Variants in RMC1 observed in about 807,000 individuals in gnomAD.
The protein encoded by RMC1 is regulator of MON1-CCZ1.
A neutral mutation model predicts 95.5 loss-of-function variants in RMC1; 44 were observed. That is an observed-to-expected ratio of 0.46 (90% confidence interval 0.36 to 0.59). The LOEUF (loss-of-function observed/expected upper bound fraction) is 0.59, where lower values mean the gene tolerates loss of function less well. Ranked by LOEUF, RMC1 falls within the 20% of genes least tolerant of loss-of-function variation. RMC1 has a pLI of 0.00. For synonymous variants in RMC1, 320 were observed against 303.6 expected (o/e 1.05, Z -0.56); for missense variants, 705 against 819.6 (o/e 0.86, Z 1.71).
intron 9 of RMC1, among the ~76,000 whole-genome samples, chr18:23,519,495 G>A (rs1290673261): frequency 6.6e-6 from 1 of 151,722 alleles, no homozygotes; most frequent in African/African-American, 2.4e-5. Flanking sequence ...TCCAGCCTGG[G>A]TGATGGAGCA....
chr18:23,524,112 T>C lies in RMC1; in HGVS notation c.962-18T>C, dbSNP rs752944530. 37 of 1,613,994 alleles carry C rather than the reference T, an allele frequency of 2.3e-5. 1 individual carries two copies. The highest frequency in any genetic ancestry group is 1.6e-4 in the Middle Eastern group (1 of 6,082). On this transcript the variant is annotated intron_variant, in intron 10 of 19. Transcript: ENST00000269221. Reference sequence around the variant, plus strand: ...TTTTCTGACTGCATCGTTGCACTTATGTTTTCTCAATTTGTAGGTCCTGCT... The same window carrying C: ...TTTTCTGACTGCATCGTTGCACTTACGTTTTCTCAATTTGTAGGTCCTGCT...
At position 23,530,290 on chromosome 18, in the gene RMC1, T is replaced by C. The variant is rs748366615; in HGVS notation, c.1661T>C (p.Met554Thr). 1.2e-6 allele frequency: 2 copies of C among 1,614,224 alleles called. No homozygotes were observed. The highest frequency in any genetic ancestry group is 8.5e-7 in the Non-Finnish European group (1 of 1,180,036). Residue 554 changes from methionine (M) to threonine (T), a missense_variant, in exon 18 of 20, where the codon ATG becomes ACG. Met to Thr is a moderately conservative substitution (Grantham distance 81). Coordinates refer to ENST00000269221, the MANE Select transcript of RMC1 (RefSeq NM_013326.5). ...CCTGCTCATCAGCTATCTCTGGACATGCTGAAGGTAACTCTGATGTGTGAG... is the reference window on the plus strand; with the variant it reads ...CCTGCTCATCAGCTATCTCTGGACACGCTGAAGGTAACTCTGATGTGTGAG... ...YPPAHQLSLD[M>T]LKRLSTANDE... is the part of the protein sequence containing the mutation.
At chr18:23,519,474 C>T (rs1158454786) in intron 9 of RMC1, among the ~76,000 whole-genome samples, 4 of 151,430 alleles carry the variant, frequency 2.6e-5, no homozygotes, top group East Asian at 3.9e-4. Flanking sequence ...GTGGAGATCG[C>T]GCCACTGCAC....
chr18:23,506,825 C>A, intron 2 of RMC1, 145 bp from the exon 3 acceptor site: 1 of 593,890 alleles, frequency 1.7e-6, no homozygotes, highest in South Asian at 1.7e-5. Flanking sequence ...AAAAGAGGTC[C>A]TACTGATGGC....
intron 15 of RMC1, 27 bp from the exon 16 acceptor site, chr18:23,529,608 T>G: frequency 6.3e-7 from 1 of 1,598,746 alleles, no homozygotes; most frequent in Admixed American, 1.7e-5. Flanking sequence ...CGTTGGTATT[T>G]GTAAGACCAC....
intron 7 of RMC1, among the ~76,000 whole-genome samples, chr18:23,516,886 C>T (rs1000298366): frequency 2.0e-5 from 3 of 151,880 alleles, no homozygotes; most frequent in Admixed American, 6.6e-5. Flanking sequence ...TCACCTCGCC[C>T]GGCTAGTCTT....
intron 5 of RMC1, among the ~76,000 whole-genome samples, chr18:23,514,284 G>A (rs1270236477): frequency 6.6e-6 from 1 of 152,250 alleles, no homozygotes; most frequent in Non-Finnish European, 1.5e-5. Context: ...GGGAGGCCGA[G>A]GTGGGCGATC....
At chr18:23,527,031 C>G (rs2058317436) in intron 13 of RMC1, among the ~76,000 whole-genome samples, 1 of 152,094 alleles carries the variant, frequency 6.6e-6, no homozygotes, top group African/African-American at 2.4e-5. Flanking sequence ...CACCCCTGGC[C>G]TTCACACACA....
At chr18:23,517,403 C>T (rs1287978540) in intron 7 of RMC1, among the ~76,000 whole-genome samples, 2 of 152,024 alleles carry the variant, frequency 1.3e-5, no homozygotes, top group African/African-American at 2.4e-5. Context: ...CCTCCTCAGC[C>T]TCCCAAAGTG....
chr18:23,528,845 A>G (rs112114942), intron 14 of RMC1: 1 of 184,416 alleles, frequency 5.4e-6, no homozygotes. Context: ...CTCAGGCTAC[A>G]CCCCACAGCT....
In RMC1 at chr18:23,524,356, C is replaced by T. The variant is rs377544931; in HGVS notation, c.1007-73C>T. On this transcript the variant is annotated intron_variant, in intron 11 of 19. Coordinates refer to ENST00000269221, the MANE Select transcript of RMC1 (RefSeq NM_013326.5). ...GGACTCAGTACATGGTGGGCAGGGG[C>T]GAGTGCTAGCGGAAACTGGGTTTGC... 63 of 1,546,116 alleles carry T rather than the reference C, an allele frequency of 4.1e-5. No homozygotes were observed. The African/African-American group carries it at 6.4e-4, about 16-fold the overall frequency.
At chr18:23,513,023 A>C (rs1377761398) in intron 5 of RMC1, among the ~76,000 whole-genome samples, 1 of 151,776 alleles carries the variant, frequency 6.6e-6, no homozygotes, top group African/African-American at 2.4e-5. Flanking sequence ...GCGTGATCTC[A>C]GCTCACTGCA....
Position 23,530,136 on chromosome 18 carries a change from T to G in RMC1, c.1599+4T>G. The G allele has an allele frequency of 6.2e-7, 1 of 1,614,010 alleles. No individual in the cohort carries two copies. The highest frequency in any genetic ancestry group is 8.5e-7 in the Non-Finnish European group (1 of 1,179,832). ...CCTCAGCGACTCCAAACCTTTGGTA[T>G]GCATTGCCAGATTTTTACTTCCATT... On this transcript the variant is annotated splice_donor_region_variant and intron_variant, in intron 17 of 19. Transcript: ENST00000269221.
chr18:23,519,255 C>A, intron 9 of RMC1, 81 bp downstream of exon 9: 2 of 1,251,916 alleles, frequency 1.6e-6, no homozygotes, highest in Non-Finnish European at 2.3e-6. Context: ...CGGTGGATCA[C>A]GCCTGTAATC....
chr18:23,527,898 G>A lies in RMC1; in HGVS notation c.1293G>A (p.Ala431=), dbSNP rs543051591. 47 of 1,612,514 alleles carry A rather than the reference G, an allele frequency of 2.9e-5. No individual in the cohort carries two copies. Among genetic ancestry groups the A allele is most frequent in the Admixed American group, 8.3e-5 (5 of 59,904 alleles). Residue 431 remains alanine, a synonymous_variant, in exon 14 of 20, where the codon GCG becomes GCA. Transcript: ENST00000269221. ...KKYLDAEQSY[A]MAVEAGQSRS... ...ACCTGGATGCCGAGCAGAGTTATGC[G>A]ATGGTGAGTTACATGGAGTATGACA...
In RMC1 at chr18:23,527,801, G is replaced by GTCT. The variant is rs747198370; in HGVS notation, c.1197_1198insCTT (p.Ser399_Glu400insLeu). On this transcript the variant is annotated inframe_insertion, in exon 14 of 20. Coordinates refer to ENST00000269221, the MANE Select transcript of RMC1 (RefSeq NM_013326.5). Reference sequence around the variant, plus strand: ...GAACATTGTGCCTTTCCAGTGTTAAGTGAGTCAGACAGAGCATCGCTGCCC... The same window carrying GTCT: ...GAACATTGTGCCTTTCCAGTGTTAAGTCTTGAGTCAGACAGAGCATCGCTGCCC... 4 of 1,613,960 alleles carry GTCT rather than the reference G, an allele frequency of 2.5e-6. No homozygotes were observed. In the South Asian group the frequency reaches 4.4e-5, roughly 18 times the overall value.
chr18:23,531,477 G>A (rs2058504416), intron 19 of RMC1, 148 bp from the exon 20 acceptor site: 3 of 1,428,564 alleles, frequency 2.1e-6, no homozygotes, highest in Non-Finnish European at 2.7e-6. Context: ...GTCTCTCAAA[G>A]CAGATAGGGT....
chr18:23,523,543 C>CAAAAAAAAAAAAAAAA (rs374224848), intron 10 of RMC1, among the ~76,000 whole-genome samples: 4 of 76,384 alleles, frequency 5.2e-5, no homozygotes, highest in African/African-American at 1.1e-4. Flanking sequence ...CTTGTCTTCA[C>CAAAAAAAAAAAAAAAA]AAAAAAAAAA....
In RMC1 at chr18:23,503,640, C is replaced by T. The variant is rs143953070; in HGVS notation, c.22C>T (p.Leu8=). ...CGCCATGGGCGAGGAGGACTACTATCTGGAGCTGTGCGAGCGGCCGGTGCA... is the reference window on the plus strand; with the variant it reads ...CGCCATGGGCGAGGAGGACTACTATTTGGAGCTGTGCGAGCGGCCGGTGCA... MGEEDYY[L]ELCERPVQFE... is the part of the protein sequence containing the mutation. The change falls in exon 1 of 20, where the codon CTG becomes TTG. Residue 8 remains leucine, a synonymous_variant. Coordinates refer to ENST00000269221, the MANE Select transcript of RMC1 (RefSeq NM_013326.5). The T allele has an allele frequency of 3.8e-5, 60 of 1,587,998 alleles. No homozygotes were observed. The Middle Eastern group carries it at 5.1e-4, about 13-fold the overall frequency.
Sources: allele counts gnomAD v4.1 joint callset (sites outside exome capture counted in the v4.1 genomes callset), GRCh38; gene constraint gnomAD v4.1.1; transcripts MANE v1.5; gene names NCBI Gene and HGNC (gene_info 2026-07-23, HGNC 2026-07-21).